Variants in CDH9 observed in about 807,000 individuals in gnomAD.
The protein encoded by CDH9 is cadherin-9.
Under a neutral mutation model 70.9 loss-of-function variants are expected in CDH9, and 28 were observed. That is an observed-to-expected ratio of 0.40 (90% confidence interval 0.29 to 0.54). The LOEUF (loss-of-function observed/expected upper bound fraction) is 0.54. Ranked by LOEUF, CDH9 falls within the 20% of genes least tolerant of loss-of-function variation. The pLI is 0.59. For synonymous variants in CDH9, 409 were observed against 343.1 expected, an observed-to-expected ratio of 1.19 and a Z score of -2.12; for missense variants, 874 against 984.4, an observed-to-expected ratio of 0.89 and a Z score of 1.50.
At chr5:27,024,433 C>A (rs1273735050) in intron 1 of CDH9, among the ~76,000 whole-genome samples, 3 of 151,982 alleles carry the variant, frequency 2.0e-5, no homozygotes, top group African/African-American at 4.8e-5. Flanking sequence ...TCTTTTCAAT[C>A]ATTTATTTGG....
intron 1 of CDH9, among the ~76,000 whole-genome samples, chr5:26,997,181 T>G (rs955968711): frequency 1.5e-4 from 23 of 152,144 alleles, no homozygotes; most frequent in African/African-American, 5.6e-4. Context: ...GAAAATTAAC[T>G]GTTGTCTGTA....
intron 7 of CDH9, among the ~76,000 whole-genome samples, chr5:26,899,559 C>A (rs1740815238): frequency 6.6e-6 from 1 of 151,978 alleles, no homozygotes; most frequent in South Asian, 2.1e-4. Flanking sequence ...AACAGAAAAC[C>A]AAACACCACA....
intron 2 of CDH9, among the ~76,000 whole-genome samples, chr5:26,971,601 C>T (rs1459132801): frequency 6.6e-6 from 1 of 152,114 alleles, no homozygotes; most frequent in African/African-American, 2.4e-5. Context: ...AGGATATTTG[C>T]TTCTGAAGTT....
chr5:26,988,313 T>C lies in CDH9; in HGVS notation c.21A>G (p.Ile7Met). The C allele has an allele frequency of 1.2e-6, 2 of 1,612,950 alleles. No homozygotes were observed. Among genetic ancestry groups the C allele is most frequent in the Non-Finnish European group, 1.7e-6 (2 of 1,179,180 alleles). The change falls in exon 2 of 12, where the codon ATA (isoleucine) becomes ATG (methionine). Residue 7 changes from isoleucine to methionine, a missense_variant. Ile to Met is a conservative substitution (Grantham distance 10). Coordinates refer to ENST00000231021, the MANE Select transcript of CDH9 (RefSeq NM_016279.4). Reference sequence around the variant, plus strand: ...ACATATAGGTCCAGATGAATAATGGTATATAATGGTAAGTCCTCATTATCT... The same window carrying C: ...ACATATAGGTCCAGATGAATAATGGCATATAATGGTAAGTCCTCATTATCT... Reference protein sequence around the residue: MRTYHYIPLFIWTYMFH... With the variant: MRTYHYMPLFIWTYMFH...
At chr5:27,034,120 G>C (rs1743353068) in intron 1 of CDH9, among the ~76,000 whole-genome samples, 1 of 151,718 alleles carries the variant, frequency 6.6e-6, no homozygotes, top group Non-Finnish European at 1.5e-5. Flanking sequence ...AATTCTGTTA[G>C]ATAAATGTTT....
chr5:26,997,700 A>T (rs1176833400), intron 1 of CDH9, among the ~76,000 whole-genome samples: 3 of 134,294 alleles, frequency 2.2e-5, no homozygotes, highest in Non-Finnish European at 4.9e-5. Context: ...TCACAAACAA[A>T]TGGTAATTTT....
rs762553034 is a variant in CDH9 at position 26,903,589 on chromosome 5, G to A, written c.999+48C>T. 2.1e-5 allele frequency: 26 copies of A among 1,263,232 alleles called. No homozygotes were observed. The East Asian group carries it at 3.2e-4, about 16-fold the overall frequency. The allele number at this position is 1,263,232 out of a possible 1,614,324, so 78.3% of individuals were successfully genotyped here. A position where few individuals can be genotyped will look rare whatever the true frequency, so the allele number is the denominator to read the frequency against. On this transcript the variant is annotated intron_variant, in intron 6 of 11. Coordinates refer to ENST00000231021, the MANE Select transcript of CDH9 (RefSeq NM_016279.4). Reference sequence around the variant, plus strand: ...TTTTTCCCTTTACTGAAAAGCAAACGTAAATTATAAAGCACTCAATGAAAA... The same window carrying A: ...TTTTTCCCTTTACTGAAAAGCAAACATAAATTATAAAGCACTCAATGAAAA...
chr5:26,932,456 C>A (rs1246804656), intron 2 of CDH9, among the ~76,000 whole-genome samples: 3 of 151,868 alleles, frequency 2.0e-5, no homozygotes, highest in African/African-American at 7.2e-5. Flanking sequence ...AAGATCTCAT[C>A]AAAAGAAAAT....
intron 1 of CDH9, among the ~76,000 whole-genome samples, chr5:27,032,482 A>G (rs961619425): frequency 6.6e-6 from 1 of 151,674 alleles, no homozygotes; most frequent in Non-Finnish European, 1.5e-5. Flanking sequence ...TTAAAACCAT[A>G]TTAAATATGT....
chr5:26,999,817 G>T (rs1453399667), intron 1 of CDH9, among the ~76,000 whole-genome samples: 1 of 151,944 alleles, frequency 6.6e-6, no homozygotes, highest in African/African-American at 2.4e-5. Context: ...GAGGACAAAA[G>T]GACTTTGTCT....
rs1281555870 is a variant in CDH9, at chr5:26,880,944, T to C, written c.*192A>G. 6.6e-6 allele frequency: 3 copies of C among 453,194 alleles called. No individual in the cohort carries two copies. Among genetic ancestry groups the C allele is most frequent in the African/African-American group, 6.1e-5 (3 of 49,406 alleles). The allele number at this position is 453,194 out of a possible 1,614,324, so 28.1% of individuals were successfully genotyped here. A position where few individuals can be genotyped will look rare whatever the true frequency, so the allele number is the denominator to read the frequency against. On this transcript the variant is annotated 3_prime_UTR_variant, in exon 12 of 12. Transcript: ENST00000231021. ...AAAGAGGGTGAACTGGTTATTACTT[T>C]TTTAAAAATCTGTATCATTCGTATT...
chr5:26,986,402 T>C (rs527555577), intron 2 of CDH9, among the ~76,000 whole-genome samples: 1 of 152,248 alleles, frequency 6.6e-6, no homozygotes, highest in East Asian at 1.9e-4. Context: ...TATGACAGAT[T>C]ATGGAATTAA....
At chr5:26,923,088 A>AC in intron 2 of CDH9, among the ~76,000 whole-genome samples, 1 of 122,208 alleles carries the variant, frequency 8.2e-6, no homozygotes, top group East Asian at 2.6e-4. Context: ...AAAAAAAAAC[A>AC]CAAAAAAAAA....
intron 1 of CDH9, among the ~76,000 whole-genome samples, chr5:27,013,474 C>T (rs541110280): frequency 6.6e-6 from 1 of 151,956 alleles, no homozygotes; most frequent in Non-Finnish European, 1.5e-5. Context: ...TAGGATGAGG[C>T]TTCACCAGCA....
At chr5:26,948,528 C>T (rs1171174382) in intron 2 of CDH9, among the ~76,000 whole-genome samples, 1 of 152,174 alleles carries the variant, frequency 6.6e-6, no homozygotes, top group African/African-American at 2.4e-5. Flanking sequence ...TGTGGCACTA[C>T]CACTAGTTCT....
chr5:26,912,406 C>T (rs1468810507), intron 3 of CDH9, among the ~76,000 whole-genome samples: 3 of 151,332 alleles, frequency 2.0e-5, no homozygotes, highest in Non-Finnish European at 2.9e-5. Flanking sequence ...AGGAGAGTTA[C>T]AATAAAAGAT....
chr5:26,977,485 G>GTA (rs775423954), intron 2 of CDH9, among the ~76,000 whole-genome samples: 2,620 of 68,734 alleles, frequency 0.038, 63 homozygotes, highest in East Asian at 0.1. Flanking sequence ...GTGTGTGTGT[G>GTA]TATATATATA....
At chr5:26,998,399 T>TA (rs1310213069) in intron 1 of CDH9, among the ~76,000 whole-genome samples, 1 of 151,956 alleles carries the variant, frequency 6.6e-6, no homozygotes, top group Non-Finnish European at 1.5e-5. Flanking sequence ...TATGCAGCCA[T>TA]AAAAAATGAT....
intron 7 of CDH9, among the ~76,000 whole-genome samples, chr5:26,895,720 T>C (rs1366195310): frequency 6.6e-6 from 1 of 152,098 alleles, no homozygotes; most frequent in Non-Finnish European, 1.5e-5. Flanking sequence ...AAGTGGCAGA[T>C]GTATTTCAGA....
Sources: allele counts gnomAD v4.1 joint callset (sites outside exome capture counted in the v4.1 genomes callset), GRCh38; gene constraint gnomAD v4.1.1; transcripts MANE v1.5; gene names NCBI Gene and HGNC (gene_info 2026-07-23, HGNC 2026-07-21).